Variants in PVT1 observed in about 807,000 individuals in gnomAD.
PVT1 encodes the protein CXCR4/PVT1 fusion.
At chr8:128,091,553 C>T (rs548202899) in intron 5 of PVT1, among the ~76,000 whole-genome samples, 2 of 152,250 alleles carry the variant, frequency 1.3e-5, no homozygotes, top group South Asian at 2.1e-4. Context: ...CTTCTTCATT[C>T]GTGATAACTC....
At chr8:128,078,727 T>G (rs999443879) in intron 5 of PVT1, among the ~76,000 whole-genome samples, 3 of 152,240 alleles carry the variant, frequency 2.0e-5, no homozygotes, top group Non-Finnish European at 4.4e-5. Context: ...GTTATCCTAA[T>G]CTTGTGCCCT....
At chr8:128,056,295 C>T (rs1813761501) in intron 4 of PVT1, among the ~76,000 whole-genome samples, 1 of 152,056 alleles carries the variant, frequency 6.6e-6, no homozygotes, top group Non-Finnish European at 1.5e-5. Context: ...GTATTCATGC[C>T]TATATGCATA....
At chr8:127,849,176 G>A (rs1297398196) in intron 2 of PVT1, among the ~76,000 whole-genome samples, 2 of 152,184 alleles carry the variant, frequency 1.3e-5, no homozygotes, top group Non-Finnish European at 2.9e-5. Flanking sequence ...GAGAGTAGGT[G>A]GCAGATAATG....
Position 127,968,227 on chromosome 8 carries a change from C to G in PVT1, n.783-20935C>G, listed in dbSNP as rs79050879. Among the ~76,000 whole-genome samples, 113 of 152,258 alleles carry G rather than the reference C, an allele frequency of 7.4e-4. No homozygotes were observed. In the East Asian group the frequency reaches 0.018, roughly 24 times the overall value. The stretch of plus-strand genomic sequence containing the variant: ...ACGTCCCTTTTCCAAAGTGACCCTC[C>G]TGCCTGGCTTTTGGGAACAGGATCT... On this transcript the variant is annotated intron_variant and non_coding_transcript_variant, in intron 3 of 10. Transcript: ENST00000651587.
At chr8:127,943,323 G>GT (rs1294834284) in intron 3 of PVT1, among the ~76,000 whole-genome samples, 2 of 152,162 alleles carry the variant, frequency 1.3e-5, no homozygotes, top group Non-Finnish European at 2.9e-5. Context: ...GCCAGCCCTG[G>GT]TGGGTCCATT....
chr8:127,816,371 C>G (rs1425375287), intron 2 of PVT1, among the ~76,000 whole-genome samples: 2 of 152,010 alleles, frequency 1.3e-5, no homozygotes, highest in South Asian at 4.1e-4. Flanking sequence ...TGGTCCCAAA[C>G]TCCTGGGCTC....
In PVT1 at chr8:127,984,871, T is replaced by TTCTTTC. The variant is rs1554602086; in HGVS notation, n.783-4289_783-4284dup. On this transcript the variant is annotated intron_variant and non_coding_transcript_variant, in intron 3 of 10. Transcript: ENST00000651587. ...TTTCTTTCTTTCTTTCTTTCTTTCT[T>TTCTTTC]TCTTTCTTTCTTTCTTTCTTTCTTT... Among the ~76,000 whole-genome samples the TTCTTTC allele has an allele frequency of 4.2e-3, 344 of 81,104 alleles. 12 individuals carry two copies. The highest frequency in any genetic ancestry group is 0.022 in the East Asian group (68 of 3,076). The allele number at this position is 81,104 out of a possible 152,430, so 53.2% of individuals were successfully genotyped here.
chr8:128,067,419 G>A (rs1283632418), intron 4 of PVT1, among the ~76,000 whole-genome samples: 2 of 152,138 alleles, frequency 1.3e-5, no homozygotes, highest in Non-Finnish European at 2.9e-5. Flanking sequence ...TTCCACGGCT[G>A]GCACAGTCCC....
intron 4 of PVT1, among the ~76,000 whole-genome samples, chr8:128,003,517 T>C (rs1317657875): frequency 2.6e-5 from 4 of 152,172 alleles, no homozygotes; most frequent in Non-Finnish European, 4.4e-5. Context: ...GACTAGTTTT[T>C]GTATTTTTTG....
At chr8:127,799,534 A>G (rs1202887921) in intron 2 of PVT1, among the ~76,000 whole-genome samples, 1 of 152,230 alleles carries the variant, frequency 6.6e-6, no homozygotes, top group African/African-American at 2.4e-5. Flanking sequence ...GCTTGCCTGT[A>G]GGGAAAGTAT....
At chr8:128,034,019 C>A (rs115304050) in intron 4 of PVT1, among the ~76,000 whole-genome samples, 1,577 of 151,642 alleles carry the variant, frequency 0.01, 27 homozygotes, top group African/African-American at 0.036. Flanking sequence ...CCCAGCCCTG[C>A]CGAGCTGTGA....
intron 4 of PVT1, among the ~76,000 whole-genome samples, chr8:128,020,107 C>T (rs557558117): frequency 6.6e-6 from 1 of 152,248 alleles, no homozygotes; most frequent in Admixed American, 6.5e-5. Flanking sequence ...CCTTCTGTGG[C>T]AGGGCTCTCT....
rs73353102 is a variant in PVT1, at chr8:127,834,628, C to T, written n.372+38557C>T. Reference sequence around the variant, plus strand: ...CAAAAGAAACTACTATCAGAGTCAACAAGGAACCTACAGAATGGGAGAAAA... The same window carrying T: ...CAAAAGAAACTACTATCAGAGTCAATAAGGAACCTACAGAATGGGAGAAAA... On this transcript the variant is annotated intron_variant and non_coding_transcript_variant, in intron 2 of 10. Coordinates refer to ENST00000651587, the Ensembl canonical transcript of PVT1. Among the ~76,000 whole-genome samples, 736 of 152,248 alleles carry T rather than the reference C, an allele frequency of 4.8e-3. 11 individuals are homozygous for T. The highest frequency in any genetic ancestry group is 0.017 in the African/African-American group (690 of 41,556).
At chr8:127,970,225 C>T (rs1326036549) in intron 3 of PVT1, among the ~76,000 whole-genome samples, 1 of 147,986 alleles carries the variant, frequency 6.8e-6, no homozygotes, top group Non-Finnish European at 1.5e-5. Context: ...TCAGGGGGCA[C>T]ACATTTCAGC....
At chr8:128,010,176 C>T (rs180820227) in intron 4 of PVT1, 1 of 152,184 alleles carries the variant, frequency 6.6e-6, no homozygotes, top group Admixed American at 6.5e-5. Flanking sequence ...CTTTAGGCAA[C>T]CCAGTTTTAC....
intron 2 of PVT1, among the ~76,000 whole-genome samples, chr8:127,821,047 T>C (rs953135219): frequency 1.3e-5 from 2 of 152,106 alleles, no homozygotes; most frequent in Non-Finnish European, 2.9e-5. Flanking sequence ...GGGAGCATGT[T>C]TTGAGAGCTA....
At chr8:127,970,542 G>T (rs552208566) in intron 3 of PVT1, among the ~76,000 whole-genome samples, 4 of 151,764 alleles carry the variant, frequency 2.6e-5, no homozygotes, top group African/African-American at 9.7e-5. Context: ...CTCGTGATCC[G>T]CCCGCCTCGG....
intron 3 of PVT1, among the ~76,000 whole-genome samples, chr8:127,957,262 AGGGG>A (rs1816580627): frequency 6.6e-6 from 1 of 152,138 alleles, no homozygotes; most frequent in Non-Finnish European, 1.5e-5. Context: ...CTCAAGTTTC[AGGGG>A]TGGTTTTAAA....
intron 4 of PVT1, chr8:128,009,106 A>G: frequency 3.9e-6 from 1 of 257,332 alleles, no homozygotes; most frequent in South Asian, 3.9e-5. Flanking sequence ...CATAGATTAA[A>G]AGCAGATAAA....
Sources: allele counts gnomAD v4.1 joint callset (sites outside exome capture counted in the v4.1 genomes callset), GRCh38; gene constraint gnomAD v4.1.1; transcripts MANE v1.5; gene names NCBI Gene and HGNC (gene_info 2026-07-23, HGNC 2026-07-21).